XKR9: variants seen among roughly 807,000 people sequenced by gnomAD.
XKR9 encodes the protein XK-related protein 9.
In XKR9, 32 loss-of-function variants were observed where a neutral mutation model predicts 32.0. The ratio of observed to expected loss-of-function variants is 1.00; its 90% confidence interval spans 0.76 to 1.34. The LOEUF (loss-of-function observed/expected upper bound fraction) is 1.34. Among genes scored for constraint, XKR9 ranks in the 40% most tolerant of loss-of-function variants. The pLI is 0.00. For synonymous variants in XKR9, 168 were observed against 143.4 expected (o/e 1.17, Z -1.22); for missense variants, 546 against 429.7 (o/e 1.27, Z -2.39).
At chr8:70,768,496 ATCTG>A (rs1452829944) in intron 2 of XKR9, among the ~76,000 whole-genome samples, 4 of 152,142 alleles carry the variant, frequency 2.6e-5, no homozygotes, top group Non-Finnish European at 4.4e-5. Flanking sequence ...TGTCTCATTG[ATCTG>A]TCTAATATTG....
chr8:70,983,168 C>A, the XKR9 span, among the ~76,000 whole-genome samples: 1 of 152,156 alleles, frequency 6.6e-6, no homozygotes, highest in East Asian at 1.9e-4. Context: ...CCCACAAGGA[C>A]TTCAGTGATT....
the XKR9 span, among the ~76,000 whole-genome samples, chr8:70,811,147 C>T: frequency 1.2e-3 from 184 of 152,250 alleles, 3 homozygotes; most frequent in East Asian, 0.029. Context: ...CACTCAAAAC[C>T]GCTCAACTAC....
At chr8:70,966,373 G>A in the XKR9 span, among the ~76,000 whole-genome samples, 1 of 152,018 alleles carries the variant, frequency 6.6e-6, no homozygotes, top group Non-Finnish European at 1.5e-5. Context: ...CTCAGCCCCT[G>A]AGTAGCTGGG....
At chr8:70,782,165 C>A (rs575734253) in intron 2 of XKR9, among the ~76,000 whole-genome samples, 1 of 152,262 alleles carries the variant, frequency 6.6e-6, no homozygotes, top group South Asian at 2.1e-4. Flanking sequence ...AGCACAGCTG[C>A]TATCTTAGAC....
the XKR9 span, among the ~76,000 whole-genome samples, chr8:70,897,391 G>A: frequency 2.0e-5 from 3 of 152,062 alleles, no homozygotes; most frequent in Admixed American, 1.3e-4. Flanking sequence ...TTTCTTTTGG[G>A]TATATACCCA....
intron 2 of XKR9, among the ~76,000 whole-genome samples, chr8:70,771,123 C>T (rs985761746): frequency 3.9e-5 from 6 of 152,126 alleles, no homozygotes; most frequent in Non-Finnish European, 7.4e-5. Context: ...ATAGCACTGT[C>T]CCTCATGGCA....
At chr8:70,677,840 C>T (rs1214285702) in intron 2 of XKR9, among the ~76,000 whole-genome samples, 1 of 152,102 alleles carries the variant, frequency 6.6e-6, no homozygotes, top group Non-Finnish European at 1.5e-5. Context: ...TAGTAAACAC[C>T]TAGCAGTAGT....
chr8:70,910,105 A>G, the XKR9 span, among the ~76,000 whole-genome samples: 1 of 152,090 alleles, frequency 6.6e-6, no homozygotes, highest in African/African-American at 2.4e-5. Flanking sequence ...GAAAAAAAAA[A>G]AAAGCAGGGC....
the XKR9 span, among the ~76,000 whole-genome samples, chr8:71,036,916 C>T: frequency 4.1e-5 from 6 of 148,084 alleles, no homozygotes; most frequent in Admixed American, 1.4e-4. Flanking sequence ...ACCATGTTGC[C>T]CAGGCTGGTC....
the XKR9 span, among the ~76,000 whole-genome samples, chr8:70,984,213 C>T: frequency 2.0e-5 from 3 of 152,112 alleles, 1 homozygote; most frequent in Non-Finnish European, 4.4e-5. Context: ...TCATTGTTGC[C>T]ACTGCTATTC....
the XKR9 span, among the ~76,000 whole-genome samples, chr8:70,840,359 A>G: frequency 6.6e-6 from 1 of 152,080 alleles, no homozygotes; most frequent in Non-Finnish European, 1.5e-5. Context: ...TCTGTAGGAC[A>G]ACTTCGCTGA....
the XKR9 span, among the ~76,000 whole-genome samples, chr8:70,819,697 A>C: frequency 3.3e-5 from 5 of 152,302 alleles, no homozygotes; most frequent in Non-Finnish European, 7.4e-5. Flanking sequence ...TATCCTGGAA[A>C]GCTCTTTGCA....
At chr8:70,944,812 T>C in the XKR9 span, among the ~76,000 whole-genome samples, 6 of 152,340 alleles carry the variant, frequency 3.9e-5, no homozygotes, top group Non-Finnish European at 7.4e-5. Flanking sequence ...CTCTCTGGCA[T>C]ACAAGCATAT....
intron 3 of XKR9, among the ~76,000 whole-genome samples, chr8:70,693,681 T>G (rs769803844): frequency 1.3e-5 from 2 of 152,200 alleles, no homozygotes; most frequent in African/African-American, 2.4e-5. Context: ...CTCAGTGCAG[T>G]CAGCCCAAGA....
At chr8:71,046,707 A>T in the XKR9 span, among the ~76,000 whole-genome samples, 1 of 152,218 alleles carries the variant, frequency 6.6e-6, no homozygotes, top group Non-Finnish European at 1.5e-5. Context: ...GGGTAGGAGT[A>T]AAAAACCTTA....
At chr8:70,695,985 A>G (rs1369520032) in intron 3 of XKR9, among the ~76,000 whole-genome samples, 57 of 149,742 alleles carry the variant, frequency 3.8e-4, no homozygotes, top group East Asian at 1.2e-3. Context: ...GTCTTCTTTT[A>G]AGAAGTGTCT....
chr8:70,875,208 T>A, the XKR9 span, among the ~76,000 whole-genome samples: 1 of 152,216 alleles, frequency 6.6e-6, no homozygotes, highest in East Asian at 1.9e-4. Context: ...ATTACATATT[T>A]GGATTTGCTC....
At chr8:71,043,073 G>A in the XKR9 span, among the ~76,000 whole-genome samples, 18 of 152,188 alleles carry the variant, frequency 1.2e-4, no homozygotes, top group African/African-American at 4.1e-4. Context: ...TCATGCCTGA[G>A]CTTTCCTTAG....
intron 4 of XKR9, among the ~76,000 whole-genome samples, chr8:70,728,347 G>A (rs1306390724): frequency 6.6e-6 from 1 of 152,194 alleles, no homozygotes; most frequent in Non-Finnish European, 1.5e-5. Context: ...GCATAGTGGG[G>A]GTAGGTGCTG....
Sources: gnomAD v4.1 joint callset for allele counts (sites outside exome capture counted in the v4.1 genomes callset) on GRCh38, gnomAD v4.1.1 for gene constraint, MANE v1.5 for transcripts, NCBI Gene and HGNC (gene_info 2026-07-23, HGNC 2026-07-21) for gene names.